DDX6: variants seen among roughly 807,000 people sequenced by gnomAD.
DDX6 encodes the protein probable ATP-dependent RNA helicase DDX6.
DDX6 carries 7 observed loss-of-function variants against 60.6 expected under a neutral mutation model. The observed-to-expected ratio is 0.12, with a 90% CI of 0.07 to 0.22. The LOEUF is 0.22. DDX6 is among the 10% of genes least tolerant of loss of function. The pLI, the probability that DDX6 is intolerant of heterozygous loss-of-function variation, is 1.00. For synonymous variants in DDX6, 207 were observed against 201.0 expected, an observed-to-expected ratio of 1.03 and a Z score of -0.25; for missense variants, 270 against 589.9, an observed-to-expected ratio of 0.46 and a Z score of 5.62.
intron 13 of DDX6, among the ~76,000 whole-genome samples, chr11:118,753,759 T>C (rs1860866771): frequency 2.6e-5 from 4 of 152,138 alleles, no homozygotes; most frequent in Admixed American, 1.3e-4. Flanking sequence ...GAGTAAATGC[T>C]AAAAACATTT....
intron 10 of DDX6, among the ~76,000 whole-genome samples, chr11:118,756,529 TAACA>T (rs1451803640): frequency 6.6e-6 from 1 of 151,866 alleles, no homozygotes; most frequent in African/African-American, 2.4e-5. Context: ...ATAATGTAGT[TAACA>T]AAAAAGTCAT....
At chr11:118,770,895 AAAAG>A (rs1355606451) in intron 4 of DDX6, among the ~76,000 whole-genome samples, 2 of 151,898 alleles carry the variant, frequency 1.3e-5, no homozygotes, top group Admixed American at 6.6e-5. Context: ...AAAAAAAAAA[AAAAG>A]AGAGAGAAAA....
chr11:118,782,168 T>C (rs1861920882), intron 2 of DDX6, among the ~76,000 whole-genome samples: 1 of 152,154 alleles, frequency 6.6e-6, no homozygotes, highest in Non-Finnish European at 1.5e-5. Context: ...AGAGCAAGGC[T>C]CCGTTCCAAA....
chr11:118,781,972 G>A (rs1861913725), intron 2 of DDX6, among the ~76,000 whole-genome samples: 1 of 151,820 alleles, frequency 6.6e-6, no homozygotes, highest in Non-Finnish European at 1.5e-5. Context: ...CAACACTTTG[G>A]GAGGCCAAGG....
intron 2 of DDX6, among the ~76,000 whole-genome samples, chr11:118,783,033 T>C (rs1299572834): frequency 1.3e-5 from 2 of 152,168 alleles, no homozygotes; most frequent in Non-Finnish European, 2.9e-5. Flanking sequence ...TAAGATACAA[T>C]GCAAAACCTG....
At position 118,756,255 on chromosome 11, in the gene DDX6, C is replaced by G; in HGVS notation, c.1174+5G>C. 6.2e-7 allele frequency: 1 copy of G among 1,612,172 alleles called. No individual in the cohort carries two copies. Among genetic ancestry groups the G allele is most frequent in the Non-Finnish European group, 8.5e-7 (1 of 1,178,720 alleles). The stretch of plus-strand genomic sequence containing the variant: ...ACTGGGTAAAGGAAATACAAAAATA[C>G]TTACCAGTGCAAACAAGATTGCGGC... On this transcript the variant is annotated splice_donor_5th_base_variant and intron_variant, in intron 11 of 13. Coordinates refer to ENST00000534980, the MANE Select transcript of DDX6 (RefSeq NM_004397.6).
Position 118,780,114 on chromosome 11 carries a change from C to CAAAAAAAAAA in DDX6, c.265-388_265-379dup, listed in dbSNP as rs71044492. ...GGGGGGACAGAGCCAGACTCTATCT[C>CAAAAAAAAAA]AAAAAAAAAAAAAAAAAAAAAAAAA... On this transcript the variant is annotated intron_variant, in intron 3 of 13. Coordinates refer to ENST00000534980, the MANE Select transcript of DDX6 (RefSeq NM_004397.6). Among the ~76,000 whole-genome samples the CAAAAAAAAAA allele has an allele frequency of 9.2e-4, 37 of 40,286 alleles. 1 individual carries two copies. The highest frequency in any genetic ancestry group is 2.3e-3 in the Admixed American group (5 of 2,144). The allele number at this position is 40,286 out of a possible 152,430, so 26.4% of individuals were successfully genotyped here.
At chr11:118,768,082 T>TA in intron 5 of DDX6, 141 bp downstream of exon 5, 6 of 841,506 alleles carry the variant, frequency 7.1e-6, no homozygotes, top group Middle Eastern at 3.5e-4. Context: ...ATCATCAGGC[T>TA]AAAAAAAGAA....
chr11:118,758,974 T>C (rs1861072401), intron 8 of DDX6, 72 bp from the exon 9 acceptor site: 3 of 1,579,020 alleles, frequency 1.9e-6, no homozygotes, highest in Non-Finnish European at 1.7e-6. Context: ...ATTCAAAATA[T>C]ACCCTATACG....
Position 118,767,631 on chromosome 11 carries a change from T to C in DDX6, c.499+592A>G, listed in dbSNP as rs1376186352. On this transcript the variant is annotated intron_variant, in intron 5 of 13. Coordinates refer to ENST00000534980, the MANE Select transcript of DDX6 (RefSeq NM_004397.6). Reference sequence around the variant, plus strand: ...CTTCTCATGACCTCAGCCGCCTTTTTTTTTTTTTTTTTTTTTTTGAGTTGA... The same window carrying C: ...CTTCTCATGACCTCAGCCGCCTTTTCTTTTTTTTTTTTTTTTTTGAGTTGA... 7 of 95,952 alleles carry C rather than the reference T, an allele frequency of 7.3e-5. No homozygotes were observed. The South Asian group carries it at 3.2e-3, about 44-fold the overall frequency. 5.9% of individuals were successfully genotyped at this position (95,952 alleles called of 1,614,324 possible). A position where few individuals can be genotyped will look rare whatever the true frequency, so the allele number is the denominator to read the frequency against.
Position 118,786,017 on chromosome 11 carries a change from A to C in DDX6, c.200+35T>G, listed in dbSNP as rs930218242. 1.0e-5 allele frequency: 16 copies of C among 1,585,790 alleles called. No homozygotes were observed. The African/African-American group carries it at 2.0e-4, about 20-fold the overall frequency. The stretch of plus-strand genomic sequence containing the variant: ...AAAGTAACACAAATCTTGGTTCCCC[A>C]CAAGTGTTTATTAATAATTTACTCT... On this transcript the variant is annotated intron_variant, in intron 2 of 13. Transcript: ENST00000534980.
chr11:118,760,692 G>A (rs1591891951), intron 7 of DDX6, among the ~76,000 whole-genome samples: 1 of 151,898 alleles, frequency 6.6e-6, no homozygotes, highest in African/African-American at 2.4e-5. Flanking sequence ...GTGGTGGTAC[G>A]CACCTATAAT....
At chr11:118,768,079 G>A (rs1861415308) in intron 5 of DDX6, 144 bp downstream of exon 5, 1 of 765,906 alleles carries the variant, frequency 1.3e-6, no homozygotes. Flanking sequence ...ACCATCATCA[G>A]GCTAAAAAAA....
At chr11:118,768,090 G>A in intron 5 of DDX6, 133 bp downstream of exon 5, 1 of 909,240 alleles carries the variant, frequency 1.1e-6, no homozygotes, top group Non-Finnish European at 1.6e-6. Flanking sequence ...GCTAAAAAAA[G>A]AAAAAACCTG....
In DDX6 at chr11:118,764,817, A is replaced by ATAC. The variant is rs553618618; in HGVS notation, c.646+391_646+392insGTA. The stretch of plus-strand genomic sequence containing the variant: ...AGACTCCATCTCCAAAAAAAAAAAA[A>ATAC]ATATACACACACACACACACATTAT... On this transcript the variant is annotated intron_variant, in intron 6 of 13. Coordinates refer to ENST00000534980, the MANE Select transcript of DDX6 (RefSeq NM_004397.6). Among the ~76,000 whole-genome samples the ATAC allele has an allele frequency of 3.4e-4, 7 of 20,370 alleles. No homozygotes were observed. The East Asian group carries it at 0.01, about 30-fold the overall frequency. The allele number at this position is 20,370 out of a possible 152,430, so 13.4% of individuals were successfully genotyped here. A position where few individuals can be genotyped will look rare whatever the true frequency, so the allele number is the denominator to read the frequency against.
At chr11:118,754,646 A>AATTTAAATTTT in intron 13 of DDX6, 59 bp downstream of exon 13, 2 of 1,475,768 alleles carry the variant, frequency 1.4e-6, no homozygotes, top group Non-Finnish European at 1.8e-6. Flanking sequence ...CCCCCAGGAA[A>AATTTAAATTTT]GAAGATTTTG....
chr11:118,761,646 C>T (rs1280479486), intron 7 of DDX6, among the ~76,000 whole-genome samples: 3 of 151,974 alleles, frequency 2.0e-5, no homozygotes, highest in Non-Finnish European at 4.4e-5. Context: ...AAAGAAAAAA[C>T]TTGACTTTCA....
chr11:118,765,472 G>GGTGTGA, intron 5 of DDX6, 117 bp from the exon 6 acceptor site: 1 of 1,036,684 alleles, frequency 9.6e-7, no homozygotes, highest in Non-Finnish European at 1.5e-6. Flanking sequence ...ATGATGCAGT[G>GGTGTGA]GCTCACACCT....
At position 118,779,709 on chromosome 11, in the gene DDX6, A is replaced by C; in HGVS notation, c.292T>G (p.Phe98Val). 1 of 1,610,932 alleles carries C rather than the reference A, an allele frequency of 6.2e-7. No homozygotes were observed. The highest frequency in any genetic ancestry group is 8.5e-7 in the Non-Finnish European group (1 of 1,178,298). ...SDVTSTKGNE[F>V]EDYCLKRELL... ...TCCCGTTTCAAACAGTAATCTTCAA[A>C]CTCATTTCCTTTTGTGGAGGTCACA... The change falls in exon 4 of 14, where the codon TTT (phenylalanine) becomes GTT (valine). Residue 98 changes from phenylalanine to valine, a missense_variant. Coordinates refer to ENST00000534980, the MANE Select transcript of DDX6 (RefSeq NM_004397.6).
Sources: gnomAD v4.1 joint callset for allele counts (sites outside exome capture counted in the v4.1 genomes callset) on GRCh38, gnomAD v4.1.1 for gene constraint, MANE v1.5 for transcripts, NCBI Gene and HGNC (gene_info 2026-07-23, HGNC 2026-07-21) for gene names.